The following BCAR3 variants were observed in gnomAD, a reference collection of about 807,000 sequenced individuals.
BCAR3 encodes the protein BCAR3 adaptor protein, NSP family member, also known as breast cancer anti-estrogen resistance protein 3.
Under a neutral mutation model 80.1 loss-of-function variants are expected in BCAR3, and 37 were observed. That is an observed-to-expected ratio of 0.46 (90% CI 0.36 to 0.61). BCAR3 has a LOEUF of 0.61. Among genes scored for constraint, BCAR3 ranks in the 20% least tolerant of loss-of-function variants. The probability of loss-of-function intolerance (pLI) is 0.00; values close to 1 mark genes in which losing one functional copy is unlikely to be tolerated. For synonymous variants in BCAR3, 389 were observed against 418.9 expected (o/e 0.93, Z 0.87); for missense variants, 978 against 1,068.2 (o/e 0.92, Z 1.18).
At chr1:93,680,828 C>T (rs990021584) in intron 1 of BCAR3, among the ~76,000 whole-genome samples, 1 of 152,216 alleles carries the variant, frequency 6.6e-6, no homozygotes. Flanking sequence ...TCAACCTCCT[C>T]CTCGACGAGT....
intron 8 of BCAR3, 72 bp from the exon 9 acceptor site, chr1:93,571,913 A>G (rs1376517559): frequency 6.6e-6 from 10 of 1,508,916 alleles, no homozygotes; most frequent in Non-Finnish European, 5.4e-6. Flanking sequence ...AAATCAGCCA[A>G]GAGCAGGGCT....
At chr1:93,805,218 T>C (rs998797335) in intron 2 of BCAR3, among the ~76,000 whole-genome samples, 11 of 152,218 alleles carry the variant, frequency 7.2e-5, no homozygotes, top group Admixed American at 3.3e-4. Flanking sequence ...ATCTGCTTTA[T>C]AGAGATTTCA....
intron 2 of BCAR3, among the ~76,000 whole-genome samples, chr1:93,717,719 C>CAAAAA (rs1230098499): frequency 3.5e-5 from 2 of 57,578 alleles, no homozygotes; most frequent in African/African-American, 1.1e-4. Context: ...GACTCCACCT[C>CAAAAA]AAAAAAAAAA....
intron 9 of BCAR3, among the ~76,000 whole-genome samples, chr1:93,568,539 G>C (rs1673064190): frequency 6.6e-6 from 1 of 152,180 alleles, no homozygotes; most frequent in Non-Finnish European, 1.5e-5. Flanking sequence ...CGGCAGAACT[G>C]ATGTTGCTTA....
chr1:93,734,804 C>T (rs999710661), intron 2 of BCAR3, among the ~76,000 whole-genome samples: 3 of 152,168 alleles, frequency 2.0e-5, no homozygotes, highest in Non-Finnish European at 4.4e-5. Flanking sequence ...TGGCATCTGA[C>T]ACCATGTTAA....
intron 2 of BCAR3, among the ~76,000 whole-genome samples, chr1:93,793,297 G>A (rs1203878871): frequency 3.4e-5 from 2 of 58,866 alleles, no homozygotes; most frequent in Non-Finnish European, 5.6e-5. Context: ...ACTCTTTTTG[G>A]TTGGTAAACT....
intron 2 of BCAR3, among the ~76,000 whole-genome samples, chr1:93,656,089 C>T (rs149397645): frequency 6.6e-5 from 10 of 152,224 alleles, no homozygotes; most frequent in East Asian, 1.9e-4. Flanking sequence ...CCCTTTTGGC[C>T]GATGAAAATC....
Position 93,584,076 on chromosome 1 carries a change from C to T in BCAR3, c.975G>A (p.Met325Ile). 6.2e-7 allele frequency: 1 copy of T among 1,614,146 alleles called. No individual in the cohort carries two copies. The highest frequency in any genetic ancestry group is 8.5e-7 in the Non-Finnish European group (1 of 1,180,024). Residue 325 changes from methionine to isoleucine, a missense_variant, in exon 6 of 12, where the codon ATG (methionine) becomes ATA (isoleucine). Coordinates refer to ENST00000260502, the MANE Select transcript of BCAR3 (RefSeq NM_003567.4). The stretch of plus-strand genomic sequence containing the variant: ...TGAGGGACAAGGCTCTTCTGTCCTG[C>T]ATGTGATCCAGGCAGGCGGGCTGGC... Reference protein sequence around the residue: ...SGSQPACLDHMQDRRALSLKA... With the variant: ...SGSQPACLDHIQDRRALSLKA...
intron 3 of BCAR3, among the ~76,000 whole-genome samples, chr1:93,618,385 C>T (rs934576450): frequency 6.6e-6 from 1 of 152,212 alleles, no homozygotes; most frequent in African/African-American, 2.4e-5. Context: ...GGTCTCTATC[C>T]GGAAGCAATA....
chr1:93,562,727 G>A (rs899124922), intron 11 of BCAR3, among the ~76,000 whole-genome samples: 31 of 139,150 alleles, frequency 2.2e-4, no homozygotes, highest in Admixed American at 1.5e-4. Flanking sequence ...GCGAGACTGC[G>A]CCACTGCACT....
intron 2 of BCAR3, among the ~76,000 whole-genome samples, chr1:93,749,893 T>A (rs1027604393): frequency 3.1e-4 from 47 of 151,732 alleles, no homozygotes; most frequent in Middle Eastern, 3.4e-3. Context: ...TGACTTATTT[T>A]TTTTTTTTTT....
intron 3 of BCAR3, among the ~76,000 whole-genome samples, chr1:93,606,928 C>G (rs1338339550): frequency 6.6e-6 from 1 of 152,164 alleles, no homozygotes; most frequent in Non-Finnish European, 1.5e-5. Flanking sequence ...CCAATCATAT[C>G]AGAATTGGAC....
intron 2 of BCAR3, among the ~76,000 whole-genome samples, chr1:93,645,538 TA>T (rs1676125792): frequency 6.6e-6 from 1 of 151,850 alleles, no homozygotes; most frequent in Admixed American, 6.6e-5. Flanking sequence ...TCCACTGAGA[TA>T]AAAACCACTG....
intron 2 of BCAR3, among the ~76,000 whole-genome samples, chr1:93,738,923 C>T (rs1651086285): frequency 6.6e-6 from 1 of 152,068 alleles, no homozygotes; most frequent in Non-Finnish European, 1.5e-5. Context: ...AGAATAGGAG[C>T]CGTGGGAAGA....
chr1:93,567,217 C>G, intron 11 of BCAR3, 62 bp downstream of exon 11: 2 of 1,561,244 alleles, frequency 1.3e-6, no homozygotes, highest in Non-Finnish European at 1.8e-6. Context: ...CCATGCTCTT[C>G]CATTCCTTCA....
chr1:93,703,962 A>T (rs1249390434), intron 3 of BCAR3, among the ~76,000 whole-genome samples: 1 of 152,256 alleles, frequency 6.6e-6, no homozygotes, highest in Non-Finnish European at 1.5e-5. Context: ...AGTCTAAATG[A>T]ATTAAAATTA....
chr1:93,619,666 A>G (rs906844218), intron 3 of BCAR3, among the ~76,000 whole-genome samples: 1 of 152,214 alleles, frequency 6.6e-6, no homozygotes, highest in African/African-American at 2.4e-5. Flanking sequence ...TGCTGCAGAA[A>G]TGGGCAGACG....
chr1:93,842,163 T>C (rs866539048), intron 2 of BCAR3, among the ~76,000 whole-genome samples: 61 of 141,526 alleles, frequency 4.3e-4, no homozygotes, highest in Non-Finnish European at 6.4e-4. Context: ...TTTTTTTTTT[T>C]CCCCAGAGAT....
chr1:93,687,495 C>T (rs370073450), intron 3 of BCAR3, among the ~76,000 whole-genome samples: 6 of 152,008 alleles, frequency 3.9e-5, no homozygotes, highest in Non-Finnish European at 7.4e-5. Flanking sequence ...TTTGTAGAGA[C>T]GGGATTTCGC....
Sources: allele counts gnomAD v4.1 joint callset (sites outside exome capture counted in the v4.1 genomes callset), GRCh38; gene constraint gnomAD v4.1.1; transcripts MANE v1.5; gene names NCBI Gene and HGNC (gene_info 2026-07-23, HGNC 2026-07-21).